Variants in ERC2 observed in about 807,000 individuals in gnomAD.
The protein encoded by ERC2 is ELKS/RAB6-interacting/CAST family member 2, also known as ERC protein 2.
A neutral mutation model predicts 114.8 loss-of-function variants in ERC2; 42 were observed. That is an observed-to-expected ratio of 0.37 (90% CI 0.29 to 0.47). ERC2 has a LOEUF of 0.47. ERC2 is among the 20% of genes least tolerant of loss of function. The pLI, the probability that ERC2 is intolerant of heterozygous loss-of-function variation, is 0.99. For synonymous variants in ERC2, 454 were observed against 425.5 expected (o/e 1.07, Z -0.82); for missense variants, 939 against 1,150.7 (o/e 0.82, Z 2.66).
intron 14 of ERC2, among the ~76,000 whole-genome samples, chr3:55,743,610 A>AAG (rs1553650586): frequency 4.0e-5 from 6 of 151,454 alleles, no homozygotes; most frequent in Non-Finnish European, 5.9e-5. Flanking sequence ...AAAAAAAAAA[A>AAG]AAAGAAACAA....
intron 14 of ERC2, among the ~76,000 whole-genome samples, chr3:55,835,893 A>G (rs1258774650): frequency 2.6e-4 from 40 of 151,798 alleles, no homozygotes; most frequent in South Asian, 6.3e-4. Context: ...CTGATAAGCA[A>G]CTTCAGCAAA....
chr3:55,746,707 C>G lies in ERC2; in HGVS notation c.2565-11789G>C, dbSNP rs191084875. Among the ~76,000 whole-genome samples, 35 of 152,300 alleles carry G rather than the reference C, an allele frequency of 2.3e-4. No homozygotes were observed. In the South Asian group the frequency reaches 5.8e-3, roughly 25 times the overall value. Reference sequence around the variant, plus strand: ...GTGTGCTGCAGGTGATGGTGGTAGCCAGGCAAAGGGCAGGTTTCTGCGAGG... The same window carrying G: ...GTGTGCTGCAGGTGATGGTGGTAGCGAGGCAAAGGGCAGGTTTCTGCGAGG... On this transcript the variant is annotated intron_variant, in intron 14 of 17. Coordinates refer to ENST00000288221, the MANE Select transcript of ERC2 (RefSeq NM_015576.3).
intron 14 of ERC2, among the ~76,000 whole-genome samples, chr3:55,750,470 T>C (rs142801043): frequency 6.6e-6 from 1 of 152,304 alleles, no homozygotes; most frequent in East Asian, 1.9e-4. Context: ...TGTTAAAGAC[T>C]AAACTTGGCC....
chr3:55,768,694 T>TGTGAGGCAA (rs1043332030), intron 14 of ERC2, among the ~76,000 whole-genome samples: 2 of 152,086 alleles, frequency 1.3e-5, no homozygotes, highest in Non-Finnish European at 2.9e-5. Flanking sequence ...GTGTAAACGC[T>TGTGAGGCAA]GTGAGGCAAG....
intron 3 of ERC2, among the ~76,000 whole-genome samples, chr3:56,235,928 T>C (rs1490335465): frequency 6.6e-6 from 1 of 152,166 alleles, no homozygotes; most frequent in African/African-American, 2.4e-5. Context: ...CCTACAGACA[T>C]ATCAGTTTGA....
intron 12 of ERC2, among the ~76,000 whole-genome samples, chr3:55,957,804 A>T (rs2068065897): frequency 2.0e-5 from 3 of 152,118 alleles, no homozygotes; most frequent in African/African-American, 7.2e-5. Flanking sequence ...AGCAACTTCC[A>T]CTGCGGGCAC....
intron 14 of ERC2, among the ~76,000 whole-genome samples, chr3:55,855,983 C>T (rs2061767939): frequency 6.6e-6 from 1 of 152,116 alleles, no homozygotes; most frequent in African/African-American, 2.4e-5. Flanking sequence ...CCTCTCTTGC[C>T]CCTGTCTGTC....
At chr3:56,398,116 A>C (rs2060382060) in intron 2 of ERC2, among the ~76,000 whole-genome samples, 1 of 152,182 alleles carries the variant, frequency 6.6e-6, no homozygotes, top group South Asian at 2.1e-4. Context: ...ATGTTGCTAG[A>C]GTATGTGGGG....
At chr3:55,829,314 G>T (rs952519729) in intron 14 of ERC2, among the ~76,000 whole-genome samples, 1 of 151,984 alleles carries the variant, frequency 6.6e-6, no homozygotes, top group African/African-American at 2.4e-5. Context: ...CAAATAAATG[G>T]AAAGATCGAT....
intron 7 of ERC2, among the ~76,000 whole-genome samples, chr3:56,026,065 T>C (rs1438972577): frequency 2.1e-5 from 3 of 143,758 alleles, no homozygotes; most frequent in Non-Finnish European, 3.0e-5. Flanking sequence ...TTCTTTTTTT[T>C]TTTTTTTTTT....
chr3:55,735,814 AC>A (rs1265903314), intron 14 of ERC2, among the ~76,000 whole-genome samples: 4 of 152,010 alleles, frequency 2.6e-5, no homozygotes, highest in Non-Finnish European at 5.9e-5. Flanking sequence ...TTTACTGGAA[AC>A]CCTGTTCTAT....
At chr3:55,834,869 G>A (rs1218222361) in intron 14 of ERC2, among the ~76,000 whole-genome samples, 2 of 142,510 alleles carry the variant, frequency 1.4e-5, no homozygotes, top group Non-Finnish European at 3.0e-5. Context: ...TAATAAAGAA[G>A]AAAAGAGAGA....
chr3:55,551,538 A>AAAAAAC (rs1559640280), intron 17 of ERC2, among the ~76,000 whole-genome samples: 1 of 152,112 alleles, frequency 6.6e-6, no homozygotes, highest in Non-Finnish European at 1.5e-5. Context: ...AACAAAAAAC[A>AAAAAAC]AAAAACAAAA....
intron 7 of ERC2, among the ~76,000 whole-genome samples, chr3:56,063,939 C>G (rs2076354575): frequency 6.6e-6 from 1 of 152,086 alleles, no homozygotes; most frequent in African/African-American, 2.4e-5. Context: ...TCTATAACAT[C>G]ATGTCTACTG....
intron 14 of ERC2, among the ~76,000 whole-genome samples, chr3:55,788,390 CCT>C (rs2069686119): frequency 6.6e-6 from 1 of 152,208 alleles, no homozygotes; most frequent in East Asian, 1.9e-4. Flanking sequence ...TGAACTCTCC[CCT>C]GTCTCTCCCC....
chr3:56,260,440 C>T (rs1439903438), intron 3 of ERC2, among the ~76,000 whole-genome samples: 1 of 152,230 alleles, frequency 6.6e-6, no homozygotes, highest in Non-Finnish European at 1.5e-5. Context: ...GAGAACATCG[C>T]CCCCGCGCCC....
chr3:56,217,466 C>T lies in ERC2; in HGVS notation c.1075-43946G>A, dbSNP rs972356114. On this transcript the variant is annotated intron_variant, in intron 3 of 17. Coordinates refer to ENST00000288221, the MANE Select transcript of ERC2 (RefSeq NM_015576.3). ...GGACCTCTTCAAGGAGAACTACAAA[C>T]CACTGCTCGACAAAATAAAAGAGGA... 5.9e-5 allele frequency among the ~76,000 whole-genome samples: 9 copies of T among 152,122 alleles called. No individual in the cohort carries two copies. The East Asian group carries it at 1.7e-3, about 29-fold the overall frequency.
chr3:55,738,978 T>C (rs994926904), intron 14 of ERC2, among the ~76,000 whole-genome samples: 12 of 152,174 alleles, frequency 7.9e-5, no homozygotes, highest in African/African-American at 2.9e-4. Context: ...TTCTCATTGT[T>C]CAACTCCCAC....
intron 3 of ERC2, among the ~76,000 whole-genome samples, chr3:56,274,380 G>T (rs1370156282): frequency 6.6e-6 from 1 of 152,118 alleles, no homozygotes; most frequent in Non-Finnish European, 1.5e-5. Flanking sequence ...GAACTGCTGG[G>T]TTACAGGACC....
Sources: allele counts gnomAD v4.1 joint callset (sites outside exome capture counted in the v4.1 genomes callset), GRCh38; gene constraint gnomAD v4.1.1; transcripts MANE v1.5; gene names NCBI Gene and HGNC (gene_info 2026-07-23, HGNC 2026-07-21).